Variants in ZUP1 observed in about 807,000 individuals in gnomAD.
ZUP1 encodes the protein zinc finger-containing ubiquitin peptidase 1.
In ZUP1, 55 loss-of-function variants were observed where a neutral mutation model predicts 68.1. That is an observed-to-expected ratio of 0.81 (90% CI 0.65 to 1.01). The LOEUF (loss-of-function observed/expected upper bound fraction) is 1.01, where lower values mean the gene tolerates loss of function less well. ZUP1 is among the 50% of genes least tolerant of loss of function. ZUP1 has a pLI of 0.00. For missense variants in ZUP1, 684 were observed against 674.9 expected (o/e 1.01, Z -0.15); for synonymous variants, 223 against 221.5 (o/e 1.01, Z -0.06).
intron 7 of ZUP1, among the ~76,000 whole-genome samples, chr6:116,649,788 C>T (rs1051085979): frequency 6.6e-6 from 1 of 152,238 alleles, no homozygotes; most frequent in African/African-American, 2.4e-5. Context: ...AAGCTCTGTG[C>T]AGTCCTACAG....
chr6:116,646,023 G>C (rs1776298509), intron 8 of ZUP1, 89 bp from the exon 9 acceptor site: 7 of 902,642 alleles, frequency 7.8e-6, no homozygotes, highest in Non-Finnish European at 1.2e-5. Flanking sequence ...GATCATATGT[G>C]TGTTTAGAAT....
intron 9 of ZUP1, 72 bp from the exon 10 acceptor site, chr6:116,635,951 T>G (rs1423067513): frequency 1.6e-5 from 17 of 1,077,250 alleles, no homozygotes; most frequent in Non-Finnish European, 5.1e-6. Flanking sequence ...GTCATTCTAA[T>G]GTAAAAAATA....
chr6:116,654,440 T>C (rs1776604934), intron 5 of ZUP1, among the ~76,000 whole-genome samples: 1 of 151,976 alleles, frequency 6.6e-6, no homozygotes, highest in Non-Finnish European at 1.5e-5. Context: ...AAATAAATTC[T>C]GGGTGGATTT....
chr6:116,650,596 T>G (rs1298570895), intron 7 of ZUP1, among the ~76,000 whole-genome samples: 2 of 152,164 alleles, frequency 1.3e-5, no homozygotes, highest in African/African-American at 2.4e-5. Context: ...TAACTACTAT[T>G]AATACCTTCT....
At chr6:116,637,810 C>G (rs1775946941) in intron 9 of ZUP1, among the ~76,000 whole-genome samples, 1 of 152,188 alleles carries the variant, frequency 6.6e-6, no homozygotes, top group African/African-American at 2.4e-5. Flanking sequence ...CGCCTGTAAT[C>G]CCAGCACTTT....
intron 9 of ZUP1, among the ~76,000 whole-genome samples, chr6:116,641,000 C>G (rs1271825712): frequency 2.7e-5 from 4 of 149,594 alleles, no homozygotes; most frequent in Non-Finnish European, 5.9e-5. Flanking sequence ...GAAGATCTAC[C>G]AAGCAAATGG....
intron 8 of ZUP1, 90 bp downstream of exon 8, chr6:116,647,369 C>G (rs1338674750): frequency 1.6e-6 from 2 of 1,213,660 alleles, no homozygotes; most frequent in African/African-American, 1.5e-5. Context: ...AAAAAACAAA[C>G]AAACAAACAA....
intron 9 of ZUP1, among the ~76,000 whole-genome samples, chr6:116,638,868 A>C (rs1469333963): frequency 3.3e-5 from 5 of 152,136 alleles, no homozygotes; most frequent in African/African-American, 1.2e-4. Context: ...CATGCGCCAG[A>C]TGAAGCAGGG....
intron 9 of ZUP1, among the ~76,000 whole-genome samples, chr6:116,638,422 TC>T (rs1775969087): frequency 1.3e-5 from 2 of 152,202 alleles, no homozygotes; most frequent in African/African-American, 4.8e-5. Context: ...TAGGAATTTT[TC>T]TGGAATATTG....
At chr6:116,661,168 G>A (rs1248660354) in intron 2 of ZUP1, among the ~76,000 whole-genome samples, 2 of 152,008 alleles carry the variant, frequency 1.3e-5, no homozygotes, top group East Asian at 3.9e-4. Flanking sequence ...GAGCCACCAT[G>A]CCCAGCCAAG....
rs747560606 is a variant in ZUP1 at position 116,656,806 on chromosome 6, AGTT to A, written c.836_838del (p.Gln279del). The A allele has an allele frequency of 1.1e-5, 17 of 1,609,670 alleles. No individual in the cohort carries two copies. The highest frequency in any genetic ancestry group is 6.7e-5 in the East Asian group (3 of 44,672). ...ATTTACTTCTATCTCCATATTTCGT[AGTT>A]GTTGTTGTTTGTATCCTCCAGAATT... On this transcript the variant is annotated inframe_deletion, in exon 5 of 10. Coordinates refer to ENST00000368576, the MANE Select transcript of ZUP1 (RefSeq NM_145062.3).
intron 8 of ZUP1, among the ~76,000 whole-genome samples, chr6:116,646,873 G>A (rs1394085664): frequency 6.6e-6 from 1 of 152,188 alleles, no homozygotes; most frequent in South Asian, 2.1e-4. Flanking sequence ...ACCATGCCTG[G>A]CCTTGAGTTC....
At chr6:116,650,816 G>A (rs1776467431) in intron 7 of ZUP1, among the ~76,000 whole-genome samples, 2 of 152,138 alleles carry the variant, frequency 1.3e-5, no homozygotes. Flanking sequence ...ACACCCCATG[G>A]TGAAATTTCA....
At chr6:116,637,126 T>G (rs182640139) in intron 9 of ZUP1, among the ~76,000 whole-genome samples, 1 of 152,292 alleles carries the variant, frequency 6.6e-6, no homozygotes, top group East Asian at 1.9e-4. Flanking sequence ...ATACAAAAGC[T>G]CAGCAAACAT....
chr6:116,650,422 C>CAA (rs61692064), intron 7 of ZUP1, among the ~76,000 whole-genome samples: 4,267 of 44,058 alleles, frequency 0.097, 351 homozygotes, highest in African/African-American at 0.16. Flanking sequence ...AACTCCGTCT[C>CAA]AAAAAAAAAA....
intron 2 of ZUP1, 80 bp downstream of exon 2, chr6:116,666,554 A>T: frequency 1.6e-6 from 2 of 1,246,814 alleles, no homozygotes; most frequent in Non-Finnish European, 2.2e-6. Flanking sequence ...TAGTAAGCTG[A>T]CTTACAAACC....
At chr6:116,642,105 C>G (rs1236301621) in intron 9 of ZUP1, among the ~76,000 whole-genome samples, 1 of 151,464 alleles carries the variant, frequency 6.6e-6, no homozygotes, top group East Asian at 1.9e-4. Flanking sequence ...ATAAATTCCT[C>G]GAAACATACA....
chr6:116,665,569 CTTTTTTTTTT>C (rs753039436), intron 2 of ZUP1, among the ~76,000 whole-genome samples: 4 of 111,588 alleles, frequency 3.6e-5, no homozygotes, highest in Admixed American at 9.6e-5. Context: ...AAAAATTTTT[CTTTTTTTTTT>C]TTTTTTTTTT....
chr6:116,657,876 A>G (rs1010479032), intron 4 of ZUP1, among the ~76,000 whole-genome samples: 3 of 152,198 alleles, frequency 2.0e-5, no homozygotes, highest in Non-Finnish European at 4.4e-5. Flanking sequence ...GGATCACCTG[A>G]GTTTAGGAGT....
Sources: gnomAD v4.1 joint callset for allele counts (sites outside exome capture counted in the v4.1 genomes callset) on GRCh38, gnomAD v4.1.1 for gene constraint, MANE v1.5 for transcripts, NCBI Gene and HGNC (gene_info 2026-07-23, HGNC 2026-07-21) for gene names.